RAB37: variants seen among roughly 807,000 people sequenced by gnomAD.
The protein encoded by RAB37 is RAB37, member RAS oncogene family, also known as ras-related protein Rab-37.
Under a neutral mutation model 33.1 loss-of-function variants are expected in RAB37, and 29 were observed. The ratio of observed to expected loss-of-function variants is 0.88; its 90% confidence interval spans 0.65 to 1.20. The LOEUF (loss-of-function observed/expected upper bound fraction) is 1.20. Ranked by LOEUF, RAB37 falls within the 50% of genes most tolerant of loss-of-function variation. RAB37 has a pLI of 0.00. For synonymous variants in RAB37, 128 were observed against 119.5 expected (o/e 1.07, Z -0.47); for missense variants, 299 against 301.1 (o/e 0.99, Z 0.05).
chr17:74,674,538 C>T (rs750646723), intron 1 of RAB37, among the ~76,000 whole-genome samples: 14 of 151,992 alleles, frequency 9.2e-5, no homozygotes, highest in Admixed American at 5.2e-4. Flanking sequence ...ATCAGCTAGG[C>T]GTGGTAACAC....
chr17:74,704,772 C>T (rs773378400), intron 1 of RAB37: 1 of 1,614,110 alleles, frequency 6.2e-7, no homozygotes, highest in East Asian at 2.2e-5. Context: ...CGCTCCAAGC[C>T]ATTCACTGTT....
intron 1 of RAB37, chr17:74,712,918 C>T (rs1193609036): frequency 1.3e-6 from 2 of 1,582,876 alleles, no homozygotes; most frequent in Non-Finnish European, 1.7e-6. Context: ...GCAGCAGGAA[C>T]AAACTACAGA....
At chr17:74,673,929 A>C (rs1290735867) in intron 1 of RAB37, among the ~76,000 whole-genome samples, 1 of 152,154 alleles carries the variant, frequency 6.6e-6, no homozygotes, top group Non-Finnish European at 1.5e-5. Context: ...ATTGTGATCC[A>C]CTTAAAACTC....
chr17:74,718,702 G>A (rs1166032057), intron 1 of RAB37, among the ~76,000 whole-genome samples: 1 of 152,206 alleles, frequency 6.6e-6, no homozygotes, highest in Non-Finnish European at 1.5e-5. Flanking sequence ...CAAAAGTAAT[G>A]TGTGTTTGTT....
At chr17:74,685,019 T>A (rs143663176) in intron 1 of RAB37, among the ~76,000 whole-genome samples, 12 of 150,034 alleles carry the variant, frequency 8.0e-5, no homozygotes, top group African/African-American at 3.0e-4. Context: ...TTGAAACTCA[T>A]AGAAAGGTAC....
intron 1 of RAB37, chr17:74,704,612 T>G: frequency 6.2e-7 from 1 of 1,614,240 alleles, no homozygotes; most frequent in Non-Finnish European, 8.5e-7. Context: ...CTGATTGTCC[T>G]TGATGGACAC....
chr17:74,695,027 G>C (rs2032290592), intron 1 of RAB37: 62 of 1,521,860 alleles, frequency 4.1e-5, no homozygotes, highest in Non-Finnish European at 5.5e-5. Context: ...AGGGGAGCAG[G>C]GGGCAGACGG....
upstream of RAB37, among the ~76,000 whole-genome samples, chr17:74,734,932 AAGAGAAAGAAAGAAAG>A (rs150937124): frequency 0.033 from 4,418 of 133,054 alleles, 202 homozygotes; most frequent in African/African-American, 0.061. Flanking sequence ...GAGAGAAAGA[AAGAGAAAGAAAGAAAG>A]AGAGAAAGAA....
intron 1 of RAB37, chr17:74,713,072 C>A: frequency 1.8e-6 from 1 of 544,716 alleles, no homozygotes; most frequent in Admixed American, 3.2e-5. Context: ...TTTGGGAGGC[C>A]AAGGCGGGCG....
chr17:74,719,583 A>C (rs191882879), intron 1 of RAB37, among the ~76,000 whole-genome samples: 2 of 152,170 alleles, frequency 1.3e-5, no homozygotes, highest in Non-Finnish European at 2.9e-5. Context: ...TTATAGCTCA[A>C]TGCAGCTGTA....
At chr17:74,735,339 A>G (rs1200463241), upstream of RAB37, among the ~76,000 whole-genome samples, 4 of 152,190 alleles carry the variant, frequency 2.6e-5, no homozygotes, top group Non-Finnish European at 4.4e-5. Context: ...CAGCAGTTCC[A>G]AACCAGCCTG....
At chr17:74,727,708 T>C (rs1341559251) in intron 1 of RAB37, among the ~76,000 whole-genome samples, 1 of 152,382 alleles carries the variant, frequency 6.6e-6, no homozygotes, top group East Asian at 1.9e-4. Context: ...TCATGGTCAC[T>C]TCAGATGCTC....
chr17:74,684,642 T>G (rs932104807), intron 1 of RAB37, among the ~76,000 whole-genome samples: 4 of 151,832 alleles, frequency 2.6e-5, no homozygotes, highest in Non-Finnish European at 5.9e-5. Flanking sequence ...ACAAAAAAGT[T>G]AGTCGCGCAT....
At chr17:74,693,210 G>A (rs1462717349) in intron 1 of RAB37, among the ~76,000 whole-genome samples, 1 of 152,256 alleles carries the variant, frequency 6.6e-6, no homozygotes, top group Non-Finnish European at 1.5e-5. Flanking sequence ...CCAGTCTGCG[G>A]GAAGAGCATT....
intron 1 of RAB37, among the ~76,000 whole-genome samples, chr17:74,725,455 G>A (rs2034294007): frequency 6.6e-6 from 1 of 152,136 alleles, no homozygotes; most frequent in Admixed American, 6.5e-5. Flanking sequence ...AGGAGGAATA[G>A]GAGCCTTTGG....
chr17:74,706,273 GAA>G (rs144675318), intron 1 of RAB37, among the ~76,000 whole-genome samples: 182 of 137,470 alleles, frequency 1.3e-3, no homozygotes, highest in Non-Finnish European at 1.1e-3. Flanking sequence ...CATTTTAAAG[GAA>G]AAAAAAAATA....
At chr17:74,723,575 C>CT (rs35936012) in intron 1 of RAB37, among the ~76,000 whole-genome samples, 4,595 of 133,170 alleles carry the variant, frequency 0.035, 154 homozygotes, top group Non-Finnish European at 0.052. Flanking sequence ...AATTAACTAA[C>CT]TTTTTTTTTT....
intron 1 of RAB37, chr17:74,704,409 G>C: frequency 8.9e-7 from 1 of 1,123,096 alleles, no homozygotes; most frequent in Non-Finnish European, 1.3e-6. Flanking sequence ...TAAATCACTT[G>C]AGTAGGACCT....
chr17:74,699,360 C>T (rs534862645), intron 1 of RAB37, among the ~76,000 whole-genome samples: 1 of 152,276 alleles, frequency 6.6e-6, no homozygotes, highest in East Asian at 1.9e-4. Context: ...GGTTGAATAG[C>T]GTCCTCTTCC....
Sources: allele counts gnomAD v4.1 joint callset (sites outside exome capture counted in the v4.1 genomes callset), GRCh38; gene constraint gnomAD v4.1.1; transcripts MANE v1.5; gene names NCBI Gene and HGNC (gene_info 2026-07-23, HGNC 2026-07-21).